The following NOTCH2 variants were observed in gnomAD, a reference collection of about 807,000 sequenced individuals.
The protein encoded by NOTCH2 is neurogenic locus notch homolog protein 2.
A neutral mutation model predicts 235.8 loss-of-function variants in NOTCH2; 29 were observed. The observed-to-expected ratio is 0.12, with a 90% confidence interval of 0.09 to 0.17. The LOEUF is 0.17. Ranked by LOEUF, NOTCH2 falls within the 10% of genes least tolerant of loss-of-function variation. NOTCH2 has a pLI of 1.00. For missense variants in NOTCH2, 2,285 were observed against 3,150.2 expected, an observed-to-expected ratio of 0.73 and a Z score of 6.57; for synonymous variants, 1,086 against 1,141.5, an observed-to-expected ratio of 0.95 and a Z score of 0.98.
Position 119,997,338 on chromosome 1 carries a change from G to A in NOTCH2, c.416-6C>T. ...CGTCCATTGGCACTCCTTACCTAAA[G>A]GAAGGATAACAAAACTCAGTACTGG... On this transcript the variant is annotated splice_polypyrimidine_tract_variant and splice_region_variant and intron_variant, in intron 3 of 33. Coordinates refer to ENST00000256646, the MANE Select transcript of NOTCH2 (RefSeq NM_024408.4). 6.2e-7 allele frequency: 1 copy of A among 1,613,278 alleles called. No homozygotes were observed. Among genetic ancestry groups the A allele is most frequent in the Non-Finnish European group, 8.5e-7 (1 of 1,179,540 alleles).
chr1:120,002,543 T>A (rs2793924), intron 3 of NOTCH2, among the ~76,000 whole-genome samples: 2 of 145,216 alleles, frequency 1.4e-5, no homozygotes, highest in African/African-American at 2.6e-5. Context: ...AAAAAAAACA[T>A]AACCTGCTGA....
chr1:119,918,980 A>G (rs183951252), intron 31 of NOTCH2, among the ~76,000 whole-genome samples: 1 of 152,328 alleles, frequency 6.6e-6, no homozygotes, highest in Admixed American at 6.5e-5. Flanking sequence ...ATCCATAAGA[A>G]GTAGCGGATA....
chr1:120,031,148 G>C (rs1193618400), intron 1 of NOTCH2, among the ~76,000 whole-genome samples: 1 of 150,276 alleles, frequency 6.7e-6, no homozygotes, highest in Non-Finnish European at 1.5e-5. Flanking sequence ...AGATCAGAGA[G>C]ACGCTAGGCC....
intron 1 of NOTCH2, among the ~76,000 whole-genome samples, chr1:120,041,071 A>AAAAAAAAAAT (rs1557859547): frequency 1.3e-5 from 1 of 77,374 alleles, no homozygotes; most frequent in Non-Finnish European, 2.0e-5. Context: ...AAAAAAAAAA[A>AAAAAAAAAAT]ATATATATAT....
chr1:119,965,626 G>A (rs1651107847), intron 9 of NOTCH2, 60 bp from the exon 10 acceptor site: 7 of 1,165,954 alleles, frequency 6.0e-6, no homozygotes, highest in South Asian at 3.7e-5. Context: ...CCTTTACCAT[G>A]AGAATGATGT....
chr1:119,935,577 A>C lies in NOTCH2; in HGVS notation c.3550T>G (p.Cys1184Gly). The C allele has an allele frequency of 6.2e-7, 1 of 1,614,200 alleles. No individual in the cohort carries two copies. The highest frequency in any genetic ancestry group is 8.5e-7 in the Non-Finnish European group (1 of 1,180,018). ...ECVPGYQGVN[C>G]EYEVDECQNQ... ...TGGCACTCATCCACTTCATACTCAC[A>C]GTTGACACCCTGATAGCCTGGGACA... Residue 1184 changes from cysteine (C) to glycine (G), a missense_variant, in exon 22 of 34, where the codon TGT becomes GGT. Physicochemically the swap from Cys to Gly is radical, Grantham distance 159 (BLOSUM62 -3). This residue lies in a region of NOTCH2 where 1,173 missense variants were observed against 1,515.3 expected (regional missense o/e 0.77). Coordinates refer to ENST00000256646, the MANE Select transcript of NOTCH2 (RefSeq NM_024408.4).
intron 12 of NOTCH2, among the ~76,000 whole-genome samples, chr1:119,956,333 G>T (rs1173934771): frequency 1.3e-5 from 2 of 152,154 alleles, no homozygotes; most frequent in African/African-American, 4.8e-5. Context: ...ATATTTCAAA[G>T]AACACAATGT....
In NOTCH2 at chr1:119,965,135, A is replaced by T. The variant is rs376296991; in HGVS notation, c.1681+318T>A. On this transcript the variant is annotated intron_variant, in intron 10 of 33. Transcript: ENST00000256646. ...TCCTGCTGAGAAGCCCCAGTGAAAA[A>T]TAGCTTTCAACTGGATTTCTTCTCT... 4.0e-5 allele frequency among the ~76,000 whole-genome samples: 6 copies of T among 151,796 alleles called. No homozygotes were observed. In the East Asian group the frequency reaches 7.7e-4, roughly 19 times the overall value.
chr1:119,913,985 A>G lies in NOTCH2; in HGVS notation c.*1321T>C, dbSNP rs1557800823. The stretch of plus-strand genomic sequence containing the variant: ...CATACTGGGTATACCAGTAACACGG[A>G]CCACACGGTGTGAAAGAAAGATTGG... On this transcript the variant is annotated 3_prime_UTR_variant, in exon 34 of 34. Transcript: ENST00000256646. 1.3e-5 allele frequency: 3 copies of G among 232,960 alleles called. No homozygotes were observed. The highest frequency in any genetic ancestry group is 5.6e-5 in the Admixed American group (1 of 17,766). The allele number at this position is 232,960 out of a possible 1,614,324, so 14.4% of individuals were successfully genotyped here.
Position 120,001,107 on chromosome 1 carries a change from A to G in NOTCH2, c.416-3775T>C, listed in dbSNP as rs142433029. On this transcript the variant is annotated intron_variant, in intron 3 of 33. Coordinates refer to ENST00000256646, the MANE Select transcript of NOTCH2 (RefSeq NM_024408.4). ...TTTTCTCTTGCCACCACCACGAAAG[A>G]AGTGCCTTTTGCCTCCCACCATAAT... 2.2e-4 allele frequency among the ~76,000 whole-genome samples: 34 copies of G among 152,126 alleles called. No homozygotes were observed. In the East Asian group the frequency reaches 6.4e-3, roughly 29 times the overall value.
intron 1 of NOTCH2, among the ~76,000 whole-genome samples, chr1:120,038,970 C>T (rs1446005512): frequency 6.6e-6 from 1 of 152,032 alleles, no homozygotes; most frequent in African/African-American, 2.4e-5. Context: ...AAATAATTTA[C>T]ATCTAAATGA....
At position 119,919,563 on chromosome 1, in the gene NOTCH2, A is replaced by C. The variant is rs1364033989; in HGVS notation, c.5530T>G (p.Leu1844Val). The change falls in exon 31 of 34, where the codon TTG becomes GTG. Residue 1844 changes from leucine (L) to valine (V), a missense_variant. Around this residue, in one of 6 missense-constraint regions of NOTCH2, gnomAD observed 1,173 missense variants for 1,515.3 expected, o/e 0.77. Coordinates refer to ENST00000256646, the MANE Select transcript of NOTCH2 (RefSeq NM_024408.4). Reference sequence around the variant, plus strand: ...TCTGCATCTTCATCTTCATCACTCAAATCTGAGCTGCCTCCTCGGAGAGAA... The same window carrying C: ...TCTGCATCTTCATCTTCATCACTCACATCTGAGCTGCCTCCTCGGAGAGAA... ...LASLRGGSSD[L>V]SDEDEDAEDS... 3 of 1,614,086 alleles carry C rather than the reference A, an allele frequency of 1.9e-6. No individual in the cohort carries two copies. The highest frequency in any genetic ancestry group is 2.5e-6 in the Non-Finnish European group (3 of 1,180,056).
chr1:119,925,704 G>C lies in NOTCH2; in HGVS notation c.4112C>G (p.Pro1371Arg). Reference protein sequence around the residue: ...ASGPRCFCPSPRDCESGCASS... With the variant: ...ASGPRCFCPSRRDCESGCASS... ...GGCACAGCCTGACTCGCAGTCCCGG[G>C]GACTGGGGCAGAAGCAGCGGGGTCC... The change falls in exon 25 of 34, where the codon CCC becomes CGC. Residue 1371 changes from proline (P) to arginine (R), a missense_variant. This residue lies in a region of NOTCH2 where 1,173 missense variants were observed against 1,515.3 expected (regional missense o/e 0.77). Transcript: ENST00000256646. The C allele has an allele frequency of 3.1e-6, 5 of 1,612,910 alleles. No homozygotes were observed. Among genetic ancestry groups the C allele is most frequent in the Non-Finnish European group, 4.2e-6 (5 of 1,179,074 alleles).
chr1:119,919,196 G>T, intron 31 of NOTCH2, 116 bp downstream of exon 31: 2 of 1,150,528 alleles, frequency 1.7e-6, no homozygotes, highest in Non-Finnish European at 1.3e-6. Context: ...TCTAATACCT[G>T]CCCTAATCTC....
intron 6 of NOTCH2, 37 bp downstream of exon 6, chr1:119,969,474 C>T (rs1651277709): frequency 1.3e-6 from 2 of 1,577,634 alleles, no homozygotes; most frequent in Non-Finnish European, 1.7e-6. Flanking sequence ...GCCCCCTGCC[C>T]CTTCCCTGTT....
intron 2 of NOTCH2, among the ~76,000 whole-genome samples, chr1:120,025,984 G>A (rs1570758627): frequency 1.4e-5 from 2 of 139,162 alleles, no homozygotes; most frequent in Admixed American, 1.4e-4. Flanking sequence ...CCTGTAGTGA[G>A]ACAGCTTTAT....
At chr1:119,919,651 GAGA>G (rs745827001) in intron 30 of NOTCH2, 38 bp from the exon 31 acceptor site, 968 of 1,598,428 alleles carry the variant, frequency 6.1e-4, no homozygotes, top group Admixed American at 2.0e-3. Flanking sequence ...ACTCAAGAAG[GAGA>G]AGGTAGTTAA....
chr1:120,068,809 C>T (rs1553217575), intron 1 of NOTCH2: 1 of 391,954 alleles, frequency 2.6e-6, no homozygotes, highest in South Asian at 1.9e-5. Context: ...CCGCAAAACC[C>T]CGTCCCCATC....
rs1429764288 is a variant in NOTCH2 at position 119,913,171 on chromosome 1, A to G, written c.*2135T>C. 1 of 233,228 alleles carries G rather than the reference A, an allele frequency of 4.3e-6. No individual in the cohort carries two copies. The highest frequency in any genetic ancestry group is 8.5e-6 in the Non-Finnish European group (1 of 118,072). The allele number at this position is 233,228 out of a possible 1,614,324, so 14.4% of individuals were successfully genotyped here. ...ATTTAGAATGATAAAATGTTTGCAC[A>G]CTATGAAAGAGGCTGACAGAATGTT... On this transcript the variant is annotated 3_prime_UTR_variant, in exon 34 of 34. Coordinates refer to ENST00000256646, the MANE Select transcript of NOTCH2 (RefSeq NM_024408.4).
Sources: allele counts gnomAD v4.1 joint callset (sites outside exome capture counted in the v4.1 genomes callset), GRCh38; gene constraint gnomAD v4.1.1; regional missense constraint gnomAD v4.1.1; transcripts MANE v1.5; gene names NCBI Gene and HGNC (gene_info 2026-07-23, HGNC 2026-07-21).